PHYKPL: variants seen among roughly 807,000 people sequenced by gnomAD.
PHYKPL encodes 5-phosphonooxy-L-lysine phospho-lyase.
PHYKPL carries 42 observed loss-of-function variants against 51.3 expected under a neutral mutation model. The ratio of observed to expected loss-of-function variants is 0.82; its 90% CI spans 0.64 to 1.06. PHYKPL has a LOEUF of 1.06. Among genes scored for constraint, PHYKPL ranks in the 50% least tolerant of loss-of-function variants. The pLI, the probability that PHYKPL is intolerant of heterozygous loss-of-function variation, is 0.00. For missense variants in PHYKPL, 655 were observed against 586.6 expected (o/e 1.12, Z -1.20); for synonymous variants, 264 against 236.0 (o/e 1.12, Z -1.09).
At chr5:178,232,332 C>A (rs1460546651) in intron 1 of PHYKPL, 160 bp downstream of exon 1, 1 of 1,272,422 alleles carries the variant, frequency 7.9e-7, no homozygotes, top group Non-Finnish European at 9.9e-7. Context: ...GCCTCGGGCC[C>A]TAGAAGCTCC....
At chr5:178,211,259 T>G (rs1381382307) in intron 12 of PHYKPL, 1 of 153,152 alleles carries the variant, frequency 6.5e-6, no homozygotes, top group Admixed American at 6.5e-5. Context: ...TGGGGCTTTC[T>G]CCTGCAGCAG....
rs1761375677 is a variant in PHYKPL, at chr5:178,222,523, G to C, written c.759C>G (p.Gly253=). The change falls in exon 8 of 13, where the codon GGC becomes GGG. Residue 253 remains glycine, a synonymous_variant. Transcript: ENST00000308158. Reference sequence around the variant, plus strand: ...AGGCCCAGAAGTGCTTGCCTACCCGGCCAAAGCCAACCTGGATCTCATCTG... The same window carrying C: ...AGGCCCAGAAGTGCTTGCCTACCCGCCCAAAGCCAACCTGGATCTCATCTG... ...FVADEIQVGF[G]RVGKHFWAFQ... is the part of the protein sequence containing the mutation. The C allele has an allele frequency of 1.2e-6, 2 of 1,614,144 alleles. No homozygotes were observed. The highest frequency in any genetic ancestry group is 2.7e-5 in the African/African-American group (2 of 74,958).
At position 178,211,771 on chromosome 5, in the gene PHYKPL, G is replaced by A; in HGVS notation, c.*31+119C>T. 1.5e-5 allele frequency: 10 copies of A among 657,172 alleles called. No homozygotes were observed. In the South Asian group the frequency reaches 1.7e-4, roughly 11 times the overall value. The allele number at this position is 657,172 out of a possible 1,614,324, so 40.7% of individuals were successfully genotyped here. On this transcript the variant is annotated intron_variant, in intron 12 of 12. Transcript: ENST00000308158. Reference sequence around the variant, plus strand: ...GTTGAAGAAACTAACCTTTGGGAAGGAGCATCAGTCAGAACAAAAAAAAGT... The same window carrying A: ...GTTGAAGAAACTAACCTTTGGGAAGAAGCATCAGTCAGAACAAAAAAAAGT...
intron 6 of PHYKPL, chr5:178,223,615 C>T (rs1412354695): frequency 1.6e-5 from 6 of 383,094 alleles, no homozygotes; most frequent in South Asian, 3.8e-5. Context: ...TAGAAGTGGT[C>T]GCAGAGCACC....
chr5:178,218,519 T>C (rs1461344512), intron 8 of PHYKPL, among the ~76,000 whole-genome samples: 1 of 151,934 alleles, frequency 6.6e-6, no homozygotes, highest in Non-Finnish European at 1.5e-5. Context: ...TCCCAGGGAG[T>C]GCTCACCCTT....
At chr5:178,223,775 C>G (rs1325578256) in intron 6 of PHYKPL, 1 of 310,170 alleles carries the variant, frequency 3.2e-6, no homozygotes, top group Non-Finnish European at 6.4e-6. Context: ...AACAGTCTTC[C>G]CTCTGTTGTC....
In PHYKPL at chr5:178,209,571, G is replaced by T. The variant is rs1047930633; in HGVS notation, c.*32-656C>A. On this transcript the variant is annotated intron_variant, in intron 12 of 12. Coordinates refer to ENST00000308158, the MANE Select transcript of PHYKPL (RefSeq NM_153373.4). ...GGGCAGATTGTGTGAGGTTGGGGAC[G>T]AACAGGAATAGGAACGGCTCTGGGT... The T allele has an allele frequency of 8.3e-5, 64 of 773,444 alleles. No homozygotes were observed. In the African/African-American group the frequency reaches 1.0e-3, roughly 12 times the overall value. 47.9% of individuals were successfully genotyped at this position (773,444 alleles called of 1,614,324 possible). A position where few individuals can be genotyped will look rare whatever the true frequency, so the allele number is the denominator to read the frequency against.
chr5:178,209,563 T>C (rs1757539576), intron 12 of PHYKPL: 4 of 862,412 alleles, frequency 4.6e-6, no homozygotes, highest in Non-Finnish European at 3.8e-6. Flanking sequence ...TTGTGTGAGG[T>C]TGGGGACGAA....
intron 12 of PHYKPL, chr5:178,210,151 T>A: frequency 6.2e-7 from 1 of 1,614,100 alleles, no homozygotes; most frequent in Non-Finnish European, 8.5e-7. Flanking sequence ...AGAGTTGGAA[T>A]CAGGGCTACG....
At chr5:178,220,664 G>C (rs1417266355) in intron 8 of PHYKPL, among the ~76,000 whole-genome samples, 5 of 151,112 alleles carry the variant, frequency 3.3e-5, no homozygotes, top group African/African-American at 1.2e-4. Flanking sequence ...AAAAACTCTT[G>C]CTACATGTAC....
Position 178,213,008 on chromosome 5 carries a change from C to G in PHYKPL, c.1268G>C (p.Arg423Pro). The G allele has an allele frequency of 6.2e-7, 1 of 1,614,194 alleles. No individual in the cohort carries two copies. The highest frequency in any genetic ancestry group is 8.5e-7 in the Non-Finnish European group (1 of 1,180,018). The change falls in exon 11 of 13, where the codon CGG becomes CCG. Residue 423 changes from arginine to proline, a missense_variant. By Grantham distance (103) the Arg-to-Pro change is moderately radical (BLOSUM62 -2). Transcript: ENST00000308158. Reference sequence around the variant, plus strand: ...GGCATCCAGCTTTGCCACCACCTGCCGTGCATTGTCCAGGCTGAAGCACAT... The same window carrying G: ...GGCATCCAGCTTTGCCACCACCTGCGGTGCATTGTCCAGGCTGAAGCACAT... ...PPMCFSLDNARQVVAKLDAIL... is the reference protein window; with the variant it reads ...PPMCFSLDNAPQVVAKLDAIL...
rs1367007503 is a variant in PHYKPL, at chr5:178,211,881, C to T, written c.*31+9G>A. ...GCATCTTCAAGAGTAAGAAGCAAGG[C>T]CCACTCACCTGGAGTACACTTAGGC... On this transcript the variant is annotated intron_variant, in intron 12 of 12. Coordinates refer to ENST00000308158, the MANE Select transcript of PHYKPL (RefSeq NM_153373.4). 1.5e-5 allele frequency: 24 copies of T among 1,604,114 alleles called. No homozygotes were observed. The highest frequency in any genetic ancestry group is 1.9e-5 in the Non-Finnish European group (22 of 1,171,196).
chr5:178,219,869 C>G (rs1189118214), intron 8 of PHYKPL, among the ~76,000 whole-genome samples: 1 of 152,074 alleles, frequency 6.6e-6, no homozygotes, highest in African/African-American at 2.4e-5. Flanking sequence ...GTTTTACGCT[C>G]CACTTGACTG....
intron 6 of PHYKPL, chr5:178,224,197 CAG>C (rs2113922859): frequency 2.1e-6 from 1 of 474,656 alleles, no homozygotes. Flanking sequence ...CCTACTGTGT[CAG>C]AGAGCACCCC....
At chr5:178,226,079 T>A (rs995305247) in intron 3 of PHYKPL, 1 of 71,732 alleles carries the variant, frequency 1.4e-5, no homozygotes, top group Admixed American at 1.2e-4. Flanking sequence ...TTGGAATTTC[T>A]TTTTTTTTTT....
At chr5:178,212,699 C>G (rs1758834604) in intron 11 of PHYKPL, among the ~76,000 whole-genome samples, 1 of 152,250 alleles carries the variant, frequency 6.6e-6, no homozygotes, top group South Asian at 2.1e-4. Context: ...AGGCCCAGTA[C>G]TGCTTTGTCC....
At chr5:178,209,053 G>A in intron 12 of PHYKPL, 138 bp from the exon 13 acceptor site, 1 of 391,768 alleles carries the variant, frequency 2.6e-6, no homozygotes, top group Non-Finnish European at 4.8e-6. Context: ...GGCTGCAGTT[G>A]GCCCAGTTGC....
downstream of PHYKPL, among the ~76,000 whole-genome samples, chr5:178,207,919 C>T (rs1338535358): frequency 6.6e-6 from 1 of 152,010 alleles, no homozygotes. Flanking sequence ...CTCAAGCCAT[C>T]CTCTGCCTTG....
upstream of PHYKPL, chr5:178,232,821 C>T: frequency 3.6e-6 from 1 of 281,656 alleles, no homozygotes; most frequent in Admixed American, 5.6e-5. Context: ...GGGACGCGCC[C>T]CGGGCCTCGC....
Sources: gnomAD v4.1 joint callset for allele counts (sites outside exome capture counted in the v4.1 genomes callset) on GRCh38, gnomAD v4.1.1 for gene constraint, MANE v1.5 for transcripts, NCBI Gene and HGNC (gene_info 2026-07-23, HGNC 2026-07-21) for gene names.